Variants in XKR6 observed in about 807,000 individuals in gnomAD.
XKR6 encodes XK-related protein 6.
Under a neutral mutation model 56.7 loss-of-function variants are expected in XKR6, and 22 were observed. That is an observed-to-expected ratio of 0.39 (90% CI 0.28 to 0.55). XKR6 has a LOEUF of 0.55. Among genes scored for constraint, XKR6 ranks in the 20% least tolerant of loss-of-function variants. The pLI is 0.66. For missense variants in XKR6, 852 were observed against 889.0 expected (o/e 0.96, Z 0.53); for synonymous variants, 524 against 387.8 (o/e 1.35, Z -4.13).
chr8:11,075,499 C>G (rs903672391), intron 1 of XKR6, among the ~76,000 whole-genome samples: 2 of 152,154 alleles, frequency 1.3e-5, no homozygotes, highest in Non-Finnish European at 2.9e-5. Flanking sequence ...ACCCTAAGCA[C>G]AAAGCACTTC....
At chr8:10,904,628 A>T (rs1800133488) in intron 2 of XKR6, among the ~76,000 whole-genome samples, 2 of 152,124 alleles carry the variant, frequency 1.3e-5, no homozygotes, top group African/African-American at 2.4e-5. Flanking sequence ...TCAGGCCAGG[A>T]AGGGAGGCTG....
At chr8:11,137,594 A>C (rs560230660) in intron 1 of XKR6, 1 of 456,248 alleles carries the variant, frequency 2.2e-6, no homozygotes, top group African/African-American at 2.0e-5. Context: ...TCTCTTTAGA[A>C]CCAGCTCTTC....
At chr8:10,972,222 G>A (rs921226149) in intron 1 of XKR6, among the ~76,000 whole-genome samples, 2 of 152,142 alleles carry the variant, frequency 1.3e-5, no homozygotes, top group Admixed American at 6.5e-5. Context: ...TATCAGCCCA[G>A]CCTAAACAGA....
chr8:11,062,116 G>C (rs1174176699), intron 1 of XKR6, among the ~76,000 whole-genome samples: 1 of 152,208 alleles, frequency 6.6e-6, no homozygotes, highest in African/African-American at 2.4e-5. Flanking sequence ...ACAGCAGACA[G>C]CAAATAATAT....
chr8:10,969,681 C>G (rs151301689), intron 1 of XKR6, among the ~76,000 whole-genome samples: 1 of 152,184 alleles, frequency 6.6e-6, no homozygotes, highest in Admixed American at 6.5e-5. Context: ...CACTGAGTAA[C>G]GTTCTTTAAC....
chr8:11,134,742 C>G (rs36119401), intron 1 of XKR6, among the ~76,000 whole-genome samples: 40,342 of 151,442 alleles, frequency 0.27, 6,396 homozygotes, highest in Middle Eastern at 0.39. Flanking sequence ...AACCTACCAG[C>G]GAAATAATCA....
chr8:10,897,844 G>A lies in XKR6; in HGVS notation c.*108C>T. On this transcript the variant is annotated 3_prime_UTR_variant, in exon 3 of 3. Coordinates refer to ENST00000416569, the MANE Select transcript of XKR6 (RefSeq NM_173683.4). ...GTGTTGGTGTGGCGGTGTTGGTGGT[G>A]GTGGCGGTGGTTCTGTGTATTGGGG... 2 of 1,383,918 alleles carry A rather than the reference G, an allele frequency of 1.4e-6. No homozygotes were observed. Among genetic ancestry groups the A allele is most frequent in the Admixed American group, 2.5e-5 (1 of 39,446 alleles). The allele number at this position is 1,383,918 out of a possible 1,614,324, so 85.7% of individuals were successfully genotyped here. A position where few individuals can be genotyped will look rare whatever the true frequency, so the allele number is the denominator to read the frequency against.
At chr8:10,911,081 G>GT (rs1362678231) in intron 2 of XKR6, among the ~76,000 whole-genome samples, 1 of 152,124 alleles carries the variant, frequency 6.6e-6, no homozygotes. Flanking sequence ...GCTGGCTTGG[G>GT]TCCAGCCATG....
chr8:10,924,822 C>A lies in XKR6; in HGVS notation c.773G>T (p.Arg258Leu). 6.2e-7 allele frequency: 1 copy of A among 1,612,826 alleles called. No individual in the cohort carries two copies. Among genetic ancestry groups the A allele is most frequent in the Non-Finnish European group, 8.5e-7 (1 of 1,179,290 alleles). Residue 258 changes from arginine to leucine, a missense_variant, in exon 2 of 3, where the codon CGC becomes CTC. Coordinates refer to ENST00000416569, the MANE Select transcript of XKR6 (RefSeq NM_173683.4). The stretch of plus-strand genomic sequence containing the variant: ...GCTCTGAATCCCCAGGTACATGGTG[C>A]GGATATACCTGCCCAGAGAGATGGG... Reference protein sequence around the residue: ...LQMGQVWRYIRTMYLGIQSQR... With the variant: ...LQMGQVWRYILTMYLGIQSQR...
chr8:11,044,589 C>T (rs149072743), intron 1 of XKR6, among the ~76,000 whole-genome samples: 1 of 152,238 alleles, frequency 6.6e-6, no homozygotes, highest in Non-Finnish European at 1.5e-5. Context: ...TCAGATCATC[C>T]TCCCAACAAC....
intron 1 of XKR6, among the ~76,000 whole-genome samples, chr8:10,926,740 G>C (rs1800896878): frequency 6.6e-6 from 1 of 152,216 alleles, no homozygotes; most frequent in African/African-American, 2.4e-5. Context: ...CCAAATTCTG[G>C]TTCTGTTCAA....
chr8:11,085,888 A>G (rs1433824434), intron 1 of XKR6, among the ~76,000 whole-genome samples: 1 of 152,088 alleles, frequency 6.6e-6, no homozygotes, highest in Non-Finnish European at 1.5e-5. Context: ...AATGCTGAAA[A>G]TCTACTGGGT....
chr8:11,154,965 G>A (rs924727160), intron 1 of XKR6, among the ~76,000 whole-genome samples: 1 of 152,088 alleles, frequency 6.6e-6, no homozygotes, highest in African/African-American at 2.4e-5. Context: ...CTCCTGGAAG[G>A]GAAAGACAAA....
intron 2 of XKR6, among the ~76,000 whole-genome samples, chr8:10,907,324 T>C (rs1800213409): frequency 6.6e-6 from 1 of 152,192 alleles, no homozygotes; most frequent in Admixed American, 6.5e-5. Context: ...CTTACCATGG[T>C]TTCTATGAAA....
At chr8:11,182,192 G>C (rs989216539) in intron 1 of XKR6, among the ~76,000 whole-genome samples, 1 of 152,200 alleles carries the variant, frequency 6.6e-6, no homozygotes, top group Non-Finnish European at 1.5e-5. Flanking sequence ...GGCTCCAAAA[G>C]GGAGGACCAG....
intron 2 of XKR6, among the ~76,000 whole-genome samples, chr8:10,916,817 G>A (rs1363183322): frequency 6.6e-6 from 1 of 152,214 alleles, no homozygotes; most frequent in Non-Finnish European, 1.5e-5. Flanking sequence ...TGAGTTGTTT[G>A]GACGCAGTCA....
intron 1 of XKR6, among the ~76,000 whole-genome samples, chr8:11,177,153 G>A (rs1365712332): frequency 6.6e-6 from 1 of 152,152 alleles, no homozygotes; most frequent in Non-Finnish European, 1.5e-5. Flanking sequence ...GAAAACGAGG[G>A]CACACCACAC....
rs574061987 is a variant in XKR6 at position 11,197,601 on chromosome 8, A to G, written c.764+2975T>C. ...CATCAAGCTGTACAGACGCTGTTAC[A>G]TGTTTAGTAATTAGTGGGAGTAAGG... On this transcript the variant is annotated intron_variant, in intron 1 of 2. Transcript: ENST00000416569. Among the ~76,000 whole-genome samples the G allele has an allele frequency of 7.9e-5, 12 of 152,332 alleles. No individual in the cohort carries two copies. The East Asian group carries it at 2.3e-3, about 29-fold the overall frequency.
At chr8:10,962,595 G>C (rs994645602) in intron 1 of XKR6, among the ~76,000 whole-genome samples, 1 of 152,040 alleles carries the variant, frequency 6.6e-6, no homozygotes, top group Non-Finnish European at 1.5e-5. Flanking sequence ...TCCATGTTTA[G>C]TTTCATATTC....
Sources: gnomAD v4.1 joint callset for allele counts (sites outside exome capture counted in the v4.1 genomes callset) on GRCh38, gnomAD v4.1.1 for gene constraint, MANE v1.5 for transcripts, NCBI Gene and HGNC (gene_info 2026-07-23, HGNC 2026-07-21) for gene names.